ARHGAP15: variants seen among roughly 807,000 people sequenced by gnomAD.
ARHGAP15 encodes Rho GTPase activating protein 15.
ARHGAP15 carries 51 observed loss-of-function variants against 63.7 expected under a neutral mutation model. The ratio of observed to expected loss-of-function variants is 0.80; its 90% CI spans 0.64 to 1.01. The LOEUF (loss-of-function observed/expected upper bound fraction) is 1.01, where lower values mean the gene tolerates loss of function less well. ARHGAP15 is among the 50% of genes least tolerant of loss of function. ARHGAP15 has a pLI of 0.00. For missense variants in ARHGAP15, 560 were observed against 564.6 expected, an observed-to-expected ratio of 0.99 and a Z score of 0.08; for synonymous variants, 191 against 193.8, an observed-to-expected ratio of 0.99 and a Z score of 0.12.
At chr2:143,561,351 C>T (rs965378782) in intron 11 of ARHGAP15, among the ~76,000 whole-genome samples, 1 of 152,142 alleles carries the variant, frequency 6.6e-6, no homozygotes, top group African/African-American at 2.4e-5. Context: ...TTCCCAAGCC[C>T]ATGAGCCAAT....
intron 1 of ARHGAP15, among the ~76,000 whole-genome samples, chr2:143,143,563 CTTTCTTT>C (rs1456237771): frequency 2.6e-5 from 3 of 114,384 alleles, no homozygotes; most frequent in African/African-American, 6.8e-5. Flanking sequence ...GAGCTATTTT[CTTTCTTT>C]TTTTTTTTTT....
At chr2:143,352,454 A>G (rs546190449) in intron 6 of ARHGAP15, among the ~76,000 whole-genome samples, 1 of 152,162 alleles carries the variant, frequency 6.6e-6, no homozygotes, top group African/African-American at 2.4e-5. Flanking sequence ...TTTCATTTCA[A>G]TCACTCTGAT....
chr2:143,268,667 A>T (rs897492548), intron 6 of ARHGAP15, among the ~76,000 whole-genome samples: 1 of 152,180 alleles, frequency 6.6e-6, no homozygotes, highest in Non-Finnish European at 1.5e-5. Context: ...GAGAGTTGTT[A>T]GTAATATTTT....
intron 11 of ARHGAP15, among the ~76,000 whole-genome samples, chr2:143,566,837 A>G (rs934506401): frequency 6.6e-6 from 1 of 150,836 alleles, no homozygotes; most frequent in South Asian, 2.1e-4. Context: ...TACCTTTCCC[A>G]GTATCGTGTT....
At chr2:143,209,986 G>A (rs1365421578) in intron 3 of ARHGAP15, among the ~76,000 whole-genome samples, 1 of 152,088 alleles carries the variant, frequency 6.6e-6, no homozygotes, top group Admixed American at 6.6e-5. Flanking sequence ...CAACAATAAA[G>A]GCTATTAATA....
In ARHGAP15 at chr2:143,457,974, GATAAA is replaced by G. The variant is rs555766539; in HGVS notation, c.703+20938_703+20942del. ...ACTAAAGAAATCTGAGGTTAGAAAT[GATAAA>G]ATAAAGAAAAATCAATCACATGTAA... On this transcript the variant is annotated intron_variant, in intron 8 of 13. Coordinates refer to ENST00000295095, the MANE Select transcript of ARHGAP15 (RefSeq NM_018460.4). 8.4e-3 allele frequency among the ~76,000 whole-genome samples: 1,279 copies of G among 151,862 alleles called. 16 individuals carry two copies. The highest frequency in any genetic ancestry group is 0.029 in the African/African-American group (1,218 of 41,466).
intron 11 of ARHGAP15, among the ~76,000 whole-genome samples, chr2:143,589,934 G>A (rs564035904): frequency 1.5e-4 from 23 of 152,274 alleles, no homozygotes; most frequent in South Asian, 8.3e-4. Flanking sequence ...CAGCAAGACC[G>A]ATTTTGGCAG....
At chr2:143,396,047 G>A (rs1010413446) in intron 6 of ARHGAP15, among the ~76,000 whole-genome samples, 11 of 152,048 alleles carry the variant, frequency 7.2e-5, no homozygotes, top group Admixed American at 2.0e-4. Context: ...TGCATTAATC[G>A]ATATTGTGGA....
chr2:143,321,422 A>G (rs1684015122), intron 6 of ARHGAP15, among the ~76,000 whole-genome samples: 1 of 152,240 alleles, frequency 6.6e-6, no homozygotes, highest in Non-Finnish European at 1.5e-5. Context: ...GTCGGTTCAC[A>G]CAAATGTGCT....
intron 6 of ARHGAP15, among the ~76,000 whole-genome samples, chr2:143,401,145 CT>C (rs1206437774): frequency 2.0e-5 from 3 of 151,942 alleles, no homozygotes; most frequent in African/African-American, 7.2e-5. Context: ...TTTACATATC[CT>C]ATATAAGATA....
At chr2:143,153,950 G>A (rs1391938823) in intron 1 of ARHGAP15, among the ~76,000 whole-genome samples, 1 of 141,954 alleles carries the variant, frequency 7.0e-6, no homozygotes, top group Non-Finnish European at 1.5e-5. Flanking sequence ...GAATAGATTT[G>A]CAATTCATCT....
intron 3 of ARHGAP15, among the ~76,000 whole-genome samples, chr2:143,207,016 T>G (rs1402378031): frequency 6.6e-6 from 1 of 151,402 alleles, no homozygotes; most frequent in Non-Finnish European, 1.5e-5. Context: ...CATAAAAAAT[T>G]ATAATATATA....
At chr2:143,485,514 A>ATC (rs1692284862) in intron 8 of ARHGAP15, among the ~76,000 whole-genome samples, 1 of 152,140 alleles carries the variant, frequency 6.6e-6, no homozygotes, top group African/African-American at 2.4e-5. Flanking sequence ...CTCAATGTAT[A>ATC]GATAGACCTT....
At chr2:143,667,098 C>CTGCTT (rs1553519846) in intron 12 of ARHGAP15, among the ~76,000 whole-genome samples, 1 of 151,142 alleles carries the variant, frequency 6.6e-6, no homozygotes, top group Non-Finnish European at 1.5e-5. Context: ...ATGAATCATG[C>CTGCTT]TGCTATAAAG....
At chr2:143,186,795 G>T (rs546033859) in intron 2 of ARHGAP15, among the ~76,000 whole-genome samples, 2 of 152,108 alleles carry the variant, frequency 1.3e-5, no homozygotes, top group African/African-American at 4.8e-5. Context: ...GAGCAAATTC[G>T]TGCTTTGTGG....
At chr2:143,728,786 C>T (rs1409548030) in intron 13 of ARHGAP15, among the ~76,000 whole-genome samples, 2 of 152,332 alleles carry the variant, frequency 1.3e-5, no homozygotes, top group Non-Finnish European at 2.9e-5. Context: ...CCTCCCTCTC[C>T]ATTACTGCCG....
chr2:143,750,918 G>A (rs1387595027), intron 13 of ARHGAP15, among the ~76,000 whole-genome samples: 1 of 152,186 alleles, frequency 6.6e-6, no homozygotes, highest in Non-Finnish European at 1.5e-5. Context: ...AATTAAGCAT[G>A]AATTCAAAGG....
chr2:143,181,289 C>T (rs959906924), intron 2 of ARHGAP15, among the ~76,000 whole-genome samples: 8 of 152,040 alleles, frequency 5.3e-5, no homozygotes, highest in Non-Finnish European at 1.2e-4. Flanking sequence ...TTTAAGGGCC[C>T]TAATATTTTT....
chr2:143,312,482 A>G (rs1379409308), intron 6 of ARHGAP15, among the ~76,000 whole-genome samples: 2 of 150,816 alleles, frequency 1.3e-5, no homozygotes, highest in South Asian at 2.1e-4. Flanking sequence ...AGATAAAAAG[A>G]AAAAAAAAGC....
Sources: gnomAD v4.1 joint callset for allele counts (sites outside exome capture counted in the v4.1 genomes callset) on GRCh38, gnomAD v4.1.1 for gene constraint, MANE v1.5 for transcripts, NCBI Gene and HGNC (gene_info 2026-07-23, HGNC 2026-07-21) for gene names.